Variants in JCAD observed in about 807,000 individuals in gnomAD.
JCAD encodes the protein junctional cadherin 5-associated protein.
JCAD carries 40 observed loss-of-function variants against 98.0 expected under a neutral mutation model. The ratio of observed to expected loss-of-function variants is 0.41; its 90% CI spans 0.32 to 0.53. The LOEUF (loss-of-function observed/expected upper bound fraction) is 0.53, where lower values mean the gene tolerates loss of function less well. Among genes scored for constraint, JCAD ranks in the 20% least tolerant of loss-of-function variants. The pLI is 0.31. For missense variants in JCAD, 1,705 were observed against 1,738.1 expected (o/e 0.98, Z 0.34); for synonymous variants, 691 against 682.3 (o/e 1.01, Z -0.20).
Position 30,027,128 on chromosome 10 carries a change from CTGG to C in JCAD, c.3017_3019del (p.Thr1006del). 1 of 1,614,212 alleles carries C rather than the reference CTGG, an allele frequency of 6.2e-7. No individual in the cohort carries two copies. Among genetic ancestry groups the C allele is most frequent in the Non-Finnish European group, 8.5e-7 (1 of 1,180,024 alleles). ...ACTTGGTTTCACAGAGCTGAAAGCA[CTGG>C]TGATTTTCGGACTTTCCTGGGGCTC... is the stretch of plus-strand genomic sequence containing the variant. On this transcript the variant is annotated inframe_deletion, in exon 3 of 4. Transcript: ENST00000375377.
upstream of JCAD, among the ~76,000 whole-genome samples, chr10:30,060,135 A>G (rs1837672769): frequency 6.6e-6 from 1 of 151,250 alleles, no homozygotes; most frequent in Non-Finnish European, 1.5e-5. Context: ...ACACACACAA[A>G]CGCACCCACA....
At position 30,114,470 on chromosome 10, in the gene JCAD, G is replaced by A. The variant is rs548096088; in HGVS notation, n.128+897C>T. Among the ~76,000 whole-genome samples the A allele has an allele frequency of 1.1e-3, 169 of 151,830 alleles. 2 individuals are homozygous for A. Among genetic ancestry groups the A allele is most frequent in the Admixed American group, 4.9e-3 (75 of 15,236 alleles). ...CAAAGGACAAATAATAATGTCTCAG[G>A]AGAGTTATGGATTGGCAAACTAGAA... is the stretch of plus-strand genomic sequence containing the variant. On this transcript the variant is annotated intron_variant and non_coding_transcript_variant, in intron 1 of 2. Coordinates refer to the JCAD transcript ENST00000465712.
At chr10:30,084,365 A>G (rs1421506437) in intron 1 of JCAD, among the ~76,000 whole-genome samples, 1 of 152,262 alleles carries the variant, frequency 6.6e-6, no homozygotes, top group East Asian at 1.9e-4. Flanking sequence ...TCAGCTTACT[A>G]AATCAAGGGG....
rs1384686010 is a variant in JCAD at position 30,015,504 on chromosome 10, T to A, written c.*2379A>T. 1 of 152,232 alleles carries A rather than the reference T, an allele frequency of 6.6e-6. No homozygotes were observed. The highest frequency in any genetic ancestry group is 2.4e-5 in the African/African-American group (1 of 41,468). 9.4% of individuals were successfully genotyped at this position (152,232 alleles called of 1,614,324 possible). On this transcript the variant is annotated 3_prime_UTR_variant, in exon 4 of 4. Transcript: ENST00000375377. ...CATGTAGGCTTAAATTTAGAACAGT[T>A]AAAGTATAAATGTTGAAAATTTCAA...
chr10:30,027,282 TCTC>T lies in JCAD; in HGVS notation c.2863_2865del (p.Glu955del). On this transcript the variant is annotated inframe_deletion, in exon 3 of 4. Coordinates refer to ENST00000375377, the MANE Select transcript of JCAD (RefSeq NM_020848.4). ...CCGTTGCTAACCTCCAGGTGTCTCT[TCTC>T]TGCACTCGTGCTTCCATCTGCTGAG... 1 of 1,614,160 alleles carries T rather than the reference TCTC, an allele frequency of 6.2e-7. No homozygotes were observed. The highest frequency in any genetic ancestry group is 8.5e-7 in the Non-Finnish European group (1 of 1,180,032).
intron 1 of JCAD, among the ~76,000 whole-genome samples, chr10:30,090,089 C>G (rs2132694025): frequency 6.6e-6 from 1 of 152,332 alleles, no homozygotes; most frequent in East Asian, 1.9e-4. Flanking sequence ...ATTACCCAAA[C>G]AGCTGCTGGG....
At chr10:30,045,816 C>T (rs1424090704) in intron 2 of JCAD, among the ~76,000 whole-genome samples, 2 of 152,192 alleles carry the variant, frequency 1.3e-5, no homozygotes, top group African/African-American at 4.8e-5. Flanking sequence ...TCTTGCTCCT[C>T]GCTGGAGAAG....
At chr10:30,021,738 T>C (rs1836664056) in intron 3 of JCAD, among the ~76,000 whole-genome samples, 1 of 152,200 alleles carries the variant, frequency 6.6e-6, no homozygotes, top group African/African-American at 2.4e-5. Flanking sequence ...TAGCTGTATG[T>C]GATGAGCGGC....
chr10:30,075,436 G>T (rs1172207830), intron 1 of JCAD, among the ~76,000 whole-genome samples: 2 of 152,180 alleles, frequency 1.3e-5, no homozygotes, highest in East Asian at 1.9e-4. Context: ...GTCCAACTCT[G>T]TGGAATGGCC....
At chr10:30,111,146 T>C (rs764624986) in intron 1 of JCAD, among the ~76,000 whole-genome samples, 1 of 152,222 alleles carries the variant, frequency 6.6e-6, no homozygotes, top group Non-Finnish European at 1.5e-5. Context: ...GGCCTGCTGA[T>C]GTTTGGACCA....
chr10:30,109,271 A>G (rs576304179), intron 1 of JCAD, among the ~76,000 whole-genome samples: 2 of 152,308 alleles, frequency 1.3e-5, no homozygotes, highest in Admixed American at 1.3e-4. Flanking sequence ...GCATCATCAC[A>G]GACTCTCTGA....
At chr10:30,034,311 C>T (rs1262023822) in intron 2 of JCAD, among the ~76,000 whole-genome samples, 1 of 152,078 alleles carries the variant, frequency 6.6e-6, no homozygotes, top group Non-Finnish European at 1.5e-5. Context: ...CAGTCATTTA[C>T]AGCAAAGCTT....
chr10:30,068,112 G>T (rs1564461665), intron 2 of JCAD, among the ~76,000 whole-genome samples: 1 of 152,190 alleles, frequency 6.6e-6, no homozygotes, highest in Non-Finnish European at 1.5e-5. Flanking sequence ...TGTACGGCCG[G>T]GTGCGGTGGC....
chr10:30,084,640 C>G (rs548471640), intron 1 of JCAD, among the ~76,000 whole-genome samples: 2 of 152,294 alleles, frequency 1.3e-5, no homozygotes, highest in Non-Finnish European at 2.9e-5. Flanking sequence ...ACTGGCTCTT[C>G]CAGGTCTCAA....
intron 1 of JCAD, among the ~76,000 whole-genome samples, chr10:30,107,567 C>A (rs182220812): frequency 6.6e-6 from 1 of 152,136 alleles, no homozygotes; most frequent in Non-Finnish European, 1.5e-5. Context: ...CAAGAGGTAA[C>A]GATAAGTACA....
intron 2 of JCAD, among the ~76,000 whole-genome samples, chr10:30,039,148 G>C (rs893634509): frequency 1.3e-5 from 2 of 152,162 alleles, no homozygotes; most frequent in South Asian, 4.1e-4. Context: ...CTCCCTAGAG[G>C]GCCAGATGCT....
Position 30,013,891 on chromosome 10 carries a change from T to C in JCAD, c.*3992A>G, listed in dbSNP as rs138673791. ...GGAATCTGCAGGAGCCTTGGCTGCC[T>C]TCCCACACTGCTGATGAACCAAGGA... On this transcript the variant is annotated 3_prime_UTR_variant, in exon 4 of 4. Transcript: ENST00000375377. 2.3e-3 allele frequency: 358 copies of C among 152,362 alleles called. 1 individual carries two copies. Among genetic ancestry groups the C allele is most frequent in the African/African-American group, 8.4e-3 (350 of 41,580 alleles). 9.4% of individuals were successfully genotyped at this position (152,362 alleles called of 1,614,324 possible). A position where few individuals can be genotyped will look rare whatever the true frequency, so the allele number is the denominator to read the frequency against.
At chr10:30,065,683 C>T (rs12247415) in intron 2 of JCAD, among the ~76,000 whole-genome samples, 5,415 of 151,994 alleles carry the variant, frequency 0.036, 267 homozygotes, top group African/African-American at 0.11. Context: ...GTATCTTCTG[C>T]GGAGACGGGC....
rs1238854626 is a variant in JCAD, at chr10:30,026,731, C to G, written c.3417G>C (p.Arg1139Ser). The G allele has an allele frequency of 6.2e-7, 1 of 1,614,138 alleles. No individual in the cohort carries two copies. The highest frequency in any genetic ancestry group is 1.1e-5 in the South Asian group (1 of 91,080). Residue 1139 changes from arginine to serine, a missense_variant, in exon 3 of 4, where the codon AGG becomes AGC. Physicochemically the swap from Arg to Ser is moderately radical, Grantham distance 110. Around this residue, in one of 3 missense-constraint regions of JCAD, gnomAD observed 1,278 missense variants for 1,243.1 expected, o/e 1.03. Transcript: ENST00000375377. ...LSRPAPADVP[R>S]VSTDAFYGRR... ...TGCCATAAAAGGCATCAGTGGACAC[C>G]CTGGGGACATCTGCCGGTGCTGGGC...
Sources: allele counts gnomAD v4.1 joint callset (sites outside exome capture counted in the v4.1 genomes callset), GRCh38; gene constraint gnomAD v4.1.1; regional missense constraint gnomAD v4.1.1; transcripts MANE v1.5; gene names NCBI Gene and HGNC (gene_info 2026-07-23, HGNC 2026-07-21).